SYT5: variants seen among roughly 807,000 people sequenced by gnomAD.
SYT5 encodes synaptotagmin 5.
SYT5 carries 29 observed loss-of-function variants against 36.0 expected under a neutral mutation model. That is an observed-to-expected ratio of 0.81 (90% CI 0.60 to 1.10). The LOEUF (loss-of-function observed/expected upper bound fraction) is 1.10. SYT5 is among the 50% of genes least tolerant of loss of function. SYT5 has a pLI of 0.00. For synonymous variants in SYT5, 231 were observed against 227.6 expected, an observed-to-expected ratio of 1.02 and a Z score of -0.14; for missense variants, 512 against 516.0, an observed-to-expected ratio of 0.99 and a Z score of 0.08.
At position 55,178,298 on chromosome 19, in the gene SYT5, G is replaced by C; in HGVS notation, c.150C>G (p.Leu50=). The C allele has an allele frequency of 6.2e-7, 1 of 1,612,144 alleles. No homozygotes were observed. The highest frequency in any genetic ancestry group is 8.5e-7 in the Non-Finnish European group (1 of 1,179,428). Residue 50 remains leucine, a synonymous_variant, in exon 3 of 9, where the codon CTC becomes CTG. Transcript: ENST00000354308. ...TCCGCCTCCGACAGCTCTTCCGGTA[G>C]AGACAGAAACAGCAGCTGAAGATGA... ...GLLIFSCCFC[L]YRKSCRRRTG...
Position 55,176,079 on chromosome 19 carries a change from C to T in SYT5, c.298G>A (p.Gly100Arg). ...TCATGCTTGTCTGCCACCTGCTGCC[C>T]TGGCCCGGATGGTGCTGGCTCCAGC... Reference protein sequence around the residue: ...EELEPAPSGPGQQVADKHELG... With the variant: ...EELEPAPSGPRQQVADKHELG... Residue 100 changes from glycine to arginine, a missense_variant, in exon 4 of 9, where the codon GGG (glycine) becomes AGG (arginine). Transcript: ENST00000354308. The T allele has an allele frequency of 6.2e-7, 1 of 1,614,206 alleles. No individual in the cohort carries two copies. The highest frequency in any genetic ancestry group is 8.5e-7 in the Non-Finnish European group (1 of 1,180,044).
At position 55,179,292 on chromosome 19, in the gene SYT5, A is replaced by G. The variant is rs959777158; in HGVS notation, c.-45-206T>C. The G allele has an allele frequency of 5.2e-6, 7 of 1,350,190 alleles. No individual in the cohort carries two copies. In the African/African-American group the frequency reaches 1.1e-4, roughly 20 times the overall value. The allele number at this position is 1,350,190 out of a possible 1,614,324, so 83.6% of individuals were successfully genotyped here. A position where few individuals can be genotyped will look rare whatever the true frequency, so the allele number is the denominator to read the frequency against. On this transcript the variant is annotated intron_variant, in intron 1 of 8. Transcript: ENST00000354308. The surrounding 1 kb of genome is among the most constrained non-coding windows in gnomAD (Gnocchi z 4.5). Reference sequence around the variant, plus strand: ...TCCTAAAGGGATACCCTCTTCCTCCACGGCCCCACAGGCATCCCGCTGACT... The same window carrying G: ...TCCTAAAGGGATACCCTCTTCCTCCGCGGCCCCACAGGCATCCCGCTGACT...
chr19:55,178,379 G>T lies in SYT5; in HGVS notation c.80-11C>A, dbSNP rs781635007. 1.2e-6 allele frequency: 2 copies of T among 1,607,290 alleles called. No homozygotes were observed. Among genetic ancestry groups the T allele is most frequent in the Non-Finnish European group, 1.7e-6 (2 of 1,177,816 alleles). On this transcript the variant is annotated splice_polypyrimidine_tract_variant and intron_variant, in intron 2 of 8. Coordinates refer to ENST00000354308, the MANE Select transcript of SYT5 (RefSeq NM_003180.3). ...GGGCCCAGGGGGGCACTGCAGAGGGGTGGAGACAACACACATTGAGGCCTG... is the reference window on the plus strand; with the variant it reads ...GGGCCCAGGGGGGCACTGCAGAGGGTTGGAGACAACACACATTGAGGCCTG...
At chr19:55,178,753 ATTTTTTTTTTTTTTTTTTTT>A (rs5828614) in intron 2 of SYT5, among the ~76,000 whole-genome samples, 190 bp downstream of exon 2, 4 of 50,484 alleles carry the variant, frequency 7.9e-5, no homozygotes, top group South Asian at 7.3e-4. Context: ...TCCGGTTTCG[ATTTTTTTTTTTTTTTTTTTT>A]TTTTTTTTTT....
intron 8 of SYT5, chr19:55,174,030 A>G: frequency 3.5e-6 from 1 of 282,924 alleles, no homozygotes; most frequent in East Asian, 6.1e-5. Context: ...CGCCGTCCCT[A>G]AAGAAGTGAG....
At position 55,175,216 on chromosome 19, in the gene SYT5, G is replaced by A; in HGVS notation, c.664C>T (p.Pro222Ser). 1 of 1,610,810 alleles carries A rather than the reference G, an allele frequency of 6.2e-7. No individual in the cohort carries two copies. Among genetic ancestry groups the A allele is most frequent in the South Asian group, 1.1e-5 (1 of 90,672 alleles). Residue 222 changes from proline to serine, a missense_variant, in exon 6 of 9, where the codon CCA becomes TCA. Physicochemically the swap from Pro to Ser is moderately conservative, Grantham distance 74. Transcript: ENST00000354308. This position sits in a 1 kb window ranked among gnomAD's most constrained non-coding sequence, Gnocchi z 4.5. ...VPMSSVDLGR[P>S]VQAWRELQAA... ...TGCAGCTCCCGCCAGGCCTGCACTGGCCGCCCCAGGTCCACGGAGCTCATA... is the reference window on the plus strand; with the variant it reads ...TGCAGCTCCCGCCAGGCCTGCACTGACCGCCCCAGGTCCACGGAGCTCATA...
In SYT5 at chr19:55,173,450, G is replaced by C; in HGVS notation, c.*34C>G. The C allele has an allele frequency of 7.5e-7, 1 of 1,330,188 alleles. No homozygotes were observed. The highest frequency in any genetic ancestry group is 3.1e-5 in the East Asian group (1 of 32,048). The allele number at this position is 1,330,188 out of a possible 1,614,324, so 82.4% of individuals were successfully genotyped here. ...CTCGGGAGTCTGGGGTCAGGGGCTA[G>C]AGTCCAGGCTTGGCCGGGGGCTTGG... is the stretch of plus-strand genomic sequence containing the variant. On this transcript the variant is annotated 3_prime_UTR_variant, in exon 9 of 9. Transcript: ENST00000354308. This position sits in a 1 kb window ranked among gnomAD's most constrained non-coding sequence, Gnocchi z 5.4.
Position 55,179,319 on chromosome 19 carries a change from C to A in SYT5, c.-45-233G>T. The A allele has an allele frequency of 8.0e-7, 1 of 1,245,674 alleles. No homozygotes were observed. Among genetic ancestry groups the A allele is most frequent in the East Asian group, 3.1e-5 (1 of 32,688 alleles). 77.2% of individuals were successfully genotyped at this position (1,245,674 alleles called of 1,614,324 possible). On this transcript the variant is annotated intron_variant, in intron 1 of 8. Transcript: ENST00000354308. The surrounding 1 kb of genome is among the most constrained non-coding windows in gnomAD (Gnocchi z 4.5). ...GGCCCCACAGGCATCCCGCTGACTT[C>A]TGCCTCGTCCTCGCCCCTCCGCAGG...
chr19:55,179,235 A>G lies in SYT5; in HGVS notation c.-45-149T>C. ...GGAGTTGTAGTATCAGCCTCCCCGC[A>G]CTTGAGAGGGGGTGTCCAGGACCTA... On this transcript the variant is annotated intron_variant, in intron 1 of 8. Coordinates refer to ENST00000354308, the MANE Select transcript of SYT5 (RefSeq NM_003180.3). This position sits in a 1 kb window ranked among gnomAD's most constrained non-coding sequence, Gnocchi z 4.5. The G allele has an allele frequency of 6.7e-7, 1 of 1,494,130 alleles. No individual in the cohort carries two copies. Among genetic ancestry groups the G allele is most frequent in the Non-Finnish European group, 8.9e-7 (1 of 1,125,774 alleles). The allele number at this position is 1,494,130 out of a possible 1,614,324, so 92.6% of individuals were successfully genotyped here.
Position 55,175,306 on chromosome 19 carries a change from C to A in SYT5, c.574G>T (p.Val192Phe). 6.4e-7 allele frequency: 1 copy of A among 1,562,136 alleles called. No homozygotes were observed. Residue 192 changes from valine (V) to phenylalanine (F), a missense_variant, in exon 6 of 9, where the codon GTC (valine) becomes TTC (phenylalanine). By Grantham distance (50) the Val-to-Phe change is conservative (BLOSUM62 -1). Transcript: ENST00000354308. The surrounding 1 kb of genome is among the most constrained non-coding windows in gnomAD (Gnocchi z 4.5). The part of the protein sequence containing the change: ...PYVELGGRVL[V>F]MAVYDFDRFS... ...CGGTCGAAGTCGTACACCGCCATGA[C>A]CAGCACCCTGCCCCCCAGCTCCACG...
exon 1 of SYT5, chr19:55,180,284 CCGTGTG>C (rs995940032): frequency 8.5e-5 from 13 of 152,222 alleles, no homozygotes; most frequent in African/African-American, 2.9e-4. Flanking sequence ...GCGTGTGTGC[CCGTGTG>C]CGTGTGCGCG....
At chr19:55,178,700 G>C (rs1418748545) in intron 2 of SYT5, among the ~76,000 whole-genome samples, 4 of 149,166 alleles carry the variant, frequency 2.7e-5, no homozygotes, top group Admixed American at 6.7e-5. Context: ...GAGCTAGGTG[G>C]ACCTTCCAAT....
At position 55,176,023 on chromosome 19, in the gene SYT5, A is replaced by G. The variant is rs557331826; in HGVS notation, c.354T>C (p.Tyr118=). 6.2e-7 allele frequency: 1 copy of G among 1,614,138 alleles called. No homozygotes were observed. The highest frequency in any genetic ancestry group is 2.2e-5 in the East Asian group (1 of 44,890). Reference sequence around the variant, plus strand: ...CACCCACCTGGCCACTCTGGAAGTCATAATCCAGGGAGTACTGCAGTCGTC... The same window carrying G: ...CACCCACCTGGCCACTCTGGAAGTCGTAATCCAGGGAGTACTGCAGTCGTC... The part of the protein sequence containing the change: ...ELGRLQYSLD[Y]DFQSGQLLVG... Residue 118 remains tyrosine (Y), a synonymous_variant, in exon 4 of 9, where the codon TAT becomes TAC. Coordinates refer to ENST00000354308, the MANE Select transcript of SYT5 (RefSeq NM_003180.3).
rs5828614 is a variant in SYT5, at chr19:55,178,753, A to ATT, written c.79+208_79+209dup. 3.8e-3 allele frequency among the ~76,000 whole-genome samples: 193 copies of ATT among 50,472 alleles called. 31 individuals are homozygous for ATT. Among genetic ancestry groups the ATT allele is most frequent in the African/African-American group, 0.015 (158 of 10,280 alleles). The allele number at this position is 50,472 out of a possible 152,430, so 33.1% of individuals were successfully genotyped here. ...TGCAACACCCCTTGATCCGGTTTCG[A>ATT]TTTTTTTTTTTTTTTTTTTTTTTTT... On this transcript the variant is annotated intron_variant, in intron 2 of 8. Coordinates refer to ENST00000354308, the MANE Select transcript of SYT5 (RefSeq NM_003180.3).
Position 55,173,613 on chromosome 19 carries a change from G to T in SYT5, c.1032C>A (p.Ala344=). 1 of 1,487,688 alleles carries T rather than the reference G, an allele frequency of 6.7e-7. No individual in the cohort carries two copies. The highest frequency in any genetic ancestry group is 1.3e-5 in the South Asian group (1 of 77,240). 92.2% of individuals were successfully genotyped at this position (1,487,688 alleles called of 1,614,324 possible). ...CAGCCCCGCCGGCGGCCGCCCCCAC[G>T]GCCACCCTCCCGATGGCCTCGTTCT... ...LGKNEAIGRV[A]VGAAAGGAGL... is the part of the protein sequence containing the mutation. Residue 344 remains alanine, a synonymous_variant, in exon 9 of 9, where the codon GCC becomes GCA. Coordinates refer to ENST00000354308, the MANE Select transcript of SYT5 (RefSeq NM_003180.3). This position sits in a 1 kb window ranked among gnomAD's most constrained non-coding sequence, Gnocchi z 5.4.
chr19:55,175,960 C>T lies in SYT5; in HGVS notation c.372+45G>A. The stretch of plus-strand genomic sequence containing the variant: ...TGGCTCCTTTCAGAAGGGGTTGGAA[C>T]CCCCGGGATCCTCCCTCCAAAGCTT... On this transcript the variant is annotated intron_variant, in intron 4 of 8. Coordinates refer to ENST00000354308, the MANE Select transcript of SYT5 (RefSeq NM_003180.3). This position sits in a 1 kb window ranked among gnomAD's most constrained non-coding sequence, Gnocchi z 4.5. 6.2e-7 allele frequency: 1 copy of T among 1,613,538 alleles called. No individual in the cohort carries two copies.
At position 55,178,112 on chromosome 19, in the gene SYT5, G is replaced by A. The variant is rs140898358; in HGVS notation, c.252+84C>T. 2,985 of 1,473,812 alleles carry A rather than the reference G, an allele frequency of 2.0e-3. 5 individuals carry two copies. The highest frequency in any genetic ancestry group is 2.9e-3 in the Admixed American group (129 of 44,552). 91.3% of individuals were successfully genotyped at this position (1,473,812 alleles called of 1,614,324 possible). Reference sequence around the variant, plus strand: ...AAGGTGGGTTCCTATAGGACAGAAGGGAGCAGGGACTGGGACCAGCTGGGC... The same window carrying A: ...AAGGTGGGTTCCTATAGGACAGAAGAGAGCAGGGACTGGGACCAGCTGGGC... On this transcript the variant is annotated intron_variant, in intron 3 of 8. Coordinates refer to ENST00000354308, the MANE Select transcript of SYT5 (RefSeq NM_003180.3).
chr19:55,178,864 C>T, intron 2 of SYT5, 99 bp downstream of exon 2: 1 of 1,208,796 alleles, frequency 8.3e-7, no homozygotes, highest in Non-Finnish European at 1.0e-6. Flanking sequence ...GCCGGATTTT[C>T]CAGCCCGCCT....
rs148731062 is a variant in SYT5, at chr19:55,177,793, C to A, written c.252+403G>T. Among the ~76,000 whole-genome samples, 23 of 152,276 alleles carry A rather than the reference C, an allele frequency of 1.5e-4. No homozygotes were observed. In the East Asian group the frequency reaches 4.2e-3, roughly 28 times the overall value. On this transcript the variant is annotated intron_variant, in intron 3 of 8. Transcript: ENST00000354308. ...CTAGTCTTGAATTCATGACCTCAGG[C>A]AATCTGTCCACCTCAGCCTCCCAAG...
Sources: gnomAD v4.1 joint callset for allele counts (sites outside exome capture counted in the v4.1 genomes callset) on GRCh38, gnomAD v4.1.1 for gene constraint, Gnocchi (gnomAD v3.1) non-coding constraint, MANE v1.5 for transcripts, NCBI Gene and HGNC (gene_info 2026-07-23, HGNC 2026-07-21) for gene names.